CNTN3: variants seen among roughly 807,000 people sequenced by gnomAD.
The protein encoded by CNTN3 is contactin 3.
Under a neutral mutation model 119.1 loss-of-function variants are expected in CNTN3, and 60 were observed. The observed-to-expected ratio is 0.50, with a 90% CI of 0.41 to 0.62. CNTN3 has a LOEUF of 0.62. CNTN3 is among the 20% of genes least tolerant of loss of function. The pLI is 0.00. For missense variants in CNTN3, 1,101 were observed against 1,242.4 expected (o/e 0.89, Z 1.71); for synonymous variants, 450 against 438.7 (o/e 1.03, Z -0.32).
chr3:74,299,393 G>T (rs913384596), intron 17 of CNTN3, among the ~76,000 whole-genome samples: 4 of 152,062 alleles, frequency 2.6e-5, no homozygotes, highest in African/African-American at 9.7e-5. Flanking sequence ...GGCCAGGAAA[G>T]AAACAAACTC....
At chr3:74,359,820 G>T (rs1704040178) in intron 11 of CNTN3, among the ~76,000 whole-genome samples, 6 of 140,318 alleles carry the variant, frequency 4.3e-5, no homozygotes, top group African/African-American at 1.7e-4. Flanking sequence ...TTTAATTCAT[G>T]TATATTATTG....
intron 3 of CNTN3, among the ~76,000 whole-genome samples, chr3:74,495,553 G>C (rs1703046420): frequency 6.6e-6 from 1 of 151,872 alleles, no homozygotes; most frequent in Non-Finnish European, 1.5e-5. Context: ...ATATTACTGT[G>C]TCAATATATA....
At chr3:74,411,369 C>T (rs188561861) in intron 5 of CNTN3, among the ~76,000 whole-genome samples, 1 of 152,204 alleles carries the variant, frequency 6.6e-6, no homozygotes, top group East Asian at 1.9e-4. Flanking sequence ...TAGGTCAGCG[C>T]TTCCTGAAGT....
chr3:74,468,869 GA>G (rs2106995194), intron 4 of CNTN3, among the ~76,000 whole-genome samples: 1 of 152,160 alleles, frequency 6.6e-6, no homozygotes, highest in Admixed American at 6.5e-5. Context: ...TTTCCAAACT[GA>G]ATTACATCGT....
chr3:74,540,899 A>T (rs542432949), intron 1 of CNTN3, among the ~76,000 whole-genome samples: 1 of 152,292 alleles, frequency 6.6e-6, no homozygotes, highest in South Asian at 2.1e-4. Flanking sequence ...TATGTTTGCA[A>T]TCATAAGAGT....
At chr3:74,466,256 G>A (rs1702458980) in intron 4 of CNTN3, among the ~76,000 whole-genome samples, 1 of 152,178 alleles carries the variant, frequency 6.6e-6, no homozygotes, top group African/African-American at 2.4e-5. Context: ...AACATGTTAA[G>A]TGGCATAACA....
chr3:74,451,129 AAC>A (rs1203979597), intron 4 of CNTN3, among the ~76,000 whole-genome samples: 7 of 152,078 alleles, frequency 4.6e-5, no homozygotes, highest in Admixed American at 6.6e-5. Flanking sequence ...CAGTCCCACC[AAC>A]AGTGTCAAAG....
chr3:74,400,920 T>C (rs1705173875), intron 5 of CNTN3, among the ~76,000 whole-genome samples: 1 of 152,210 alleles, frequency 6.6e-6, no homozygotes, highest in African/African-American at 2.4e-5. Flanking sequence ...CGTGAGTTTG[T>C]GGGTCAGTGT....
chr3:74,429,082 C>T (rs1701742601), intron 4 of CNTN3, among the ~76,000 whole-genome samples: 1 of 152,068 alleles, frequency 6.6e-6, no homozygotes, highest in Non-Finnish European at 1.5e-5. Flanking sequence ...TTTCTCAGAA[C>T]ATATCCCTGT....
chr3:74,331,136 CCACT>C lies in CNTN3; in HGVS notation c.1668+3595_1668+3598del, dbSNP rs1334970175. ...ATGTCCTAGCCTTCACCTTCACTCA[CCACT>C]CACTCACTGACACCCAGAGCAAGTT... On this transcript the variant is annotated intron_variant, in intron 13 of 22. Coordinates refer to ENST00000263665, the MANE Select transcript of CNTN3 (RefSeq NM_020872.3). Among the ~76,000 whole-genome samples, 5 of 152,324 alleles carry C rather than the reference CCACT, an allele frequency of 3.3e-5. No individual in the cohort carries two copies. In the South Asian group the frequency reaches 1.0e-3, roughly 32 times the overall value.
chr3:74,481,849 G>A (rs1490412190), intron 4 of CNTN3, among the ~76,000 whole-genome samples: 4 of 151,624 alleles, frequency 2.6e-5, no homozygotes, highest in Admixed American at 1.3e-4. Flanking sequence ...ATATTTATAA[G>A]AGAAAATTAA....
At chr3:74,607,905 T>C (rs777371059) in intron 1 of CNTN3, among the ~76,000 whole-genome samples, 1 of 152,144 alleles carries the variant, frequency 6.6e-6, no homozygotes, top group African/African-American at 2.4e-5. Context: ...CACATATTCA[T>C]GAAATCAGGT....
At chr3:74,348,661 G>T (rs1575743199) in intron 11 of CNTN3, among the ~76,000 whole-genome samples, 1 of 152,134 alleles carries the variant, frequency 6.6e-6, no homozygotes, top group Admixed American at 6.5e-5. Context: ...GCTGTCTCCA[G>T]CCCCCATCCC....
At chr3:74,311,351 G>A (rs1048229429) in intron 13 of CNTN3, among the ~76,000 whole-genome samples, 4 of 151,928 alleles carry the variant, frequency 2.6e-5, no homozygotes, top group Non-Finnish European at 5.9e-5. Flanking sequence ...TGTAACTATC[G>A]ATAGACTATT....
rs1196375209 is a variant in CNTN3 at position 74,301,682 on chromosome 3, G to C, written c.1910C>G (p.Thr637Arg). The change falls in exon 15 of 23, where the codon ACA becomes AGA. Residue 637 changes from threonine to arginine, a missense_variant. Transcript: ENST00000263665. Reference protein sequence around the residue: ...PVISYSIQARTPFSVGWQTVT... With the variant: ...PVISYSIQARRPFSVGWQTVT... ...GGTTTGCCAACCCACGGAGAAAGGT[G>C]TCCGAGCCTGGATAGAATAGGATAT... 6.2e-7 allele frequency: 1 copy of C among 1,613,974 alleles called. No homozygotes were observed. Among genetic ancestry groups the C allele is most frequent in the Non-Finnish European group, 8.5e-7 (1 of 1,179,982 alleles).
At chr3:74,483,303 T>C (rs1702795601) in intron 4 of CNTN3, among the ~76,000 whole-genome samples, 1 of 152,104 alleles carries the variant, frequency 6.6e-6, no homozygotes, top group Admixed American at 6.6e-5. Flanking sequence ...AAATAGTATG[T>C]ACTTCACTCA....
chr3:74,546,988 T>C (rs192025549), intron 1 of CNTN3, among the ~76,000 whole-genome samples: 214 of 152,354 alleles, frequency 1.4e-3, no homozygotes, highest in African/African-American at 4.8e-3. Flanking sequence ...TTATGACTTA[T>C]GTTCTCCACT....
At chr3:74,345,269 A>T (rs1432215199) in intron 11 of CNTN3, among the ~76,000 whole-genome samples, 1 of 152,114 alleles carries the variant, frequency 6.6e-6, no homozygotes, top group Non-Finnish European at 1.5e-5. Context: ...CCAAGCAGAG[A>T]GTTTATCACC....
intron 4 of CNTN3, among the ~76,000 whole-genome samples, chr3:74,466,101 G>A (rs7432669): frequency 0.5 from 76,341 of 151,952 alleles, 19,574 homozygotes; most frequent in Non-Finnish European, 0.55. Context: ...CCAAATTAAA[G>A]CAAGTGGAAC....
Sources: gnomAD v4.1 joint callset for allele counts (sites outside exome capture counted in the v4.1 genomes callset) on GRCh38, gnomAD v4.1.1 for gene constraint, MANE v1.5 for transcripts, NCBI Gene and HGNC (gene_info 2026-07-23, HGNC 2026-07-21) for gene names.